The following PLA2R1 variants were observed in gnomAD, a reference collection of about 807,000 sequenced individuals.
The protein encoded by PLA2R1 is phospholipase A2 receptor 1.
A neutral mutation model predicts 195.9 loss-of-function variants in PLA2R1; 158 were observed. The ratio of observed to expected loss-of-function variants is 0.81; its 90% CI spans 0.71 to 0.92. The LOEUF (loss-of-function observed/expected upper bound fraction) is 0.92. Among genes scored for constraint, PLA2R1 ranks in the 40% least tolerant of loss-of-function variants. The probability of loss-of-function intolerance (pLI) is 0.00; values close to 1 mark genes in which losing one functional copy is unlikely to be tolerated. For missense variants in PLA2R1, 1,626 were observed against 1,764.6 expected (o/e 0.92, Z 1.41); for synonymous variants, 586 against 598.2 (o/e 0.98, Z 0.30).
At chr2:159,951,985 C>T (rs146756488) in intron 23 of PLA2R1, among the ~76,000 whole-genome samples, 211 of 152,264 alleles carry the variant, frequency 1.4e-3, no homozygotes, top group Non-Finnish European at 2.5e-3. Context: ...GTTACATAGT[C>T]ATATATTGCA....
chr2:159,930,713 A>G (rs562231833), downstream of PLA2R1, among the ~76,000 whole-genome samples: 49 of 152,224 alleles, frequency 3.2e-4, 2 homozygotes, highest in South Asian at 0.01. Flanking sequence ...TGATGTATCC[A>G]CCTCACCACA....
At chr2:160,055,050 C>T (rs1695447327) in intron 1 of PLA2R1, among the ~76,000 whole-genome samples, 1 of 152,206 alleles carries the variant, frequency 6.6e-6, no homozygotes, top group Admixed American at 6.5e-5. Context: ...ACTAAGCTAT[C>T]TGTGTGGCCC....
In PLA2R1 at chr2:159,933,784, T is replaced by C. The variant is rs1686689274; in HGVS notation, c.*7994A>G. The C allele has an allele frequency of 6.6e-6, 1 of 152,252 alleles. No homozygotes were observed. The highest frequency in any genetic ancestry group is 1.5e-5 in the Non-Finnish European group (1 of 68,038). 9.4% of individuals were successfully genotyped at this position (152,252 alleles called of 1,614,324 possible). A position where few individuals can be genotyped will look rare whatever the true frequency, so the allele number is the denominator to read the frequency against. ...GTGCTTGCTAAGATACGTTAAAGTA[T>C]GTAAGACTTCCCCATTTAGGTTTTC... On this transcript the variant is annotated 3_prime_UTR_variant, in exon 30 of 30. Coordinates refer to ENST00000283243, the MANE Select transcript of PLA2R1 (RefSeq NM_007366.5).
intron 20 of PLA2R1, among the ~76,000 whole-genome samples, chr2:159,964,773 A>G (rs1688674801): frequency 6.6e-6 from 1 of 151,992 alleles, no homozygotes; most frequent in African/African-American, 2.4e-5. Flanking sequence ...CAAAGTTAAG[A>G]GGAAGGTACA....
chr2:159,928,957 G>T (rs1686535491), downstream of PLA2R1, among the ~76,000 whole-genome samples: 1 of 152,192 alleles, frequency 6.6e-6, no homozygotes, highest in Non-Finnish European at 1.5e-5. Flanking sequence ...ACATGTAGAA[G>T]AATGAAACTG....
At chr2:160,026,437 G>A (rs1404807341) in intron 6 of PLA2R1, among the ~76,000 whole-genome samples, 1 of 152,164 alleles carries the variant, frequency 6.6e-6, no homozygotes, top group Admixed American at 6.5e-5. Flanking sequence ...ATGACAAATA[G>A]GTTTCACTTT....
In PLA2R1 at chr2:159,935,941, ATTAATTTT is replaced by A. The variant is rs1686798973; in HGVS notation, c.*5829_*5836del. The A allele has an allele frequency of 8.9e-6, 1 of 111,828 alleles. No homozygotes were observed. Among genetic ancestry groups the A allele is most frequent in the Admixed American group, 1.2e-4 (1 of 8,184 alleles). 6.9% of individuals were successfully genotyped at this position (111,828 alleles called of 1,614,324 possible). ...TCCTGCAGTAAAAATATGTATATAAATTAATTTTTTTTTTTTTTTTTTTTTTTTGAGAG... is the reference window on the plus strand; with the variant it reads ...TCCTGCAGTAAAAATATGTATATAAATTTTTTTTTTTTTTTTTTTTGAGAG... On this transcript the variant is annotated 3_prime_UTR_variant, in exon 30 of 30. Transcript: ENST00000283243.
In PLA2R1 at chr2:159,947,437, C is replaced by T. The variant is rs1687457651; in HGVS notation, c.3832G>A (p.Glu1278Lys). The change falls in exon 26 of 30, where the codon GAA becomes AAA. Residue 1278 changes from glutamate (E) to lysine (K), a missense_variant. Glu to Lys is a moderately conservative substitution (Grantham distance 56). Coordinates refer to ENST00000283243, the MANE Select transcript of PLA2R1 (RefSeq NM_007366.5). ...CAATTACCTTCCTTTTTGCAAAATT[C>T]ATGAGCAGCCTCAAAACTCATACTG... The part of the protein sequence containing the change: ...LDSMSFEAAH[E>K]FCKKEGSNLL... 1 of 1,595,332 alleles carries T rather than the reference C, an allele frequency of 6.3e-7. No individual in the cohort carries two copies. Among genetic ancestry groups the T allele is most frequent in the Admixed American group, 1.8e-5 (1 of 54,948 alleles).
intron 12 of PLA2R1, 63 bp downstream of exon 12, chr2:159,987,093 T>C: frequency 7.8e-7 from 1 of 1,284,008 alleles, no homozygotes; most frequent in Non-Finnish European, 1.1e-6. Context: ...GAATTTGGGA[T>C]ACATGGATCA....
intron 20 of PLA2R1, among the ~76,000 whole-genome samples, chr2:159,965,761 G>T (rs1044234331): frequency 2.6e-5 from 4 of 152,164 alleles, no homozygotes; most frequent in African/African-American, 9.7e-5. Flanking sequence ...TTCCCACCAG[G>T]AGTGAATGAG....
rs189543460 is a variant in PLA2R1, at chr2:159,964,658, C to T, written c.2904+2881G>A. ...TATTCTAGAAAATATCTCATGGTGCCACTGAGCTCACTGTGTCATAGGGCT... is the reference window on the plus strand; with the variant it reads ...TATTCTAGAAAATATCTCATGGTGCTACTGAGCTCACTGTGTCATAGGGCT... On this transcript the variant is annotated intron_variant, in intron 20 of 29. Transcript: ENST00000283243. 1.2e-3 allele frequency among the ~76,000 whole-genome samples: 187 copies of T among 152,040 alleles called. 1 individual carries two copies. Among genetic ancestry groups the T allele is most frequent in the African/African-American group, 4.3e-3 (178 of 41,468 alleles).
At chr2:160,052,208 A>G (rs961328647) in intron 1 of PLA2R1, among the ~76,000 whole-genome samples, 1 of 152,174 alleles carries the variant, frequency 6.6e-6, no homozygotes, top group African/African-American at 2.4e-5. Context: ...TTCTCACATG[A>G]GGGAAAAATG....
rs1287409252 is a variant in PLA2R1, at chr2:159,946,877, T to C, written c.3891A>G (p.Ala1297=). Reference sequence around the variant, plus strand: ...AAGCAAACAGCTCTTCTAGGAGAAATGCATTTTCAGCCTCATCCTTGATTG... The same window carrying C: ...AAGCAAACAGCTCTTCTAGGAGAAACGCATTTTCAGCCTCATCCTTGATTG... ...LLTIKDEAEN[A]FLLEELFAFG... The change falls in exon 27 of 30, where the codon GCA becomes GCG. Residue 1297 remains alanine (A), a synonymous_variant. Transcript: ENST00000283243. 2 of 1,610,912 alleles carry C rather than the reference T, an allele frequency of 1.2e-6. No homozygotes were observed. The highest frequency in any genetic ancestry group is 1.1e-5 in the South Asian group (1 of 90,440).
At chr2:159,977,971 G>A (rs564167096) in intron 14 of PLA2R1, among the ~76,000 whole-genome samples, 74 of 152,144 alleles carry the variant, frequency 4.9e-4, no homozygotes, top group African/African-American at 1.7e-3. Flanking sequence ...AAAAAGGTAT[G>A]CTATTCCTTT....
chr2:160,060,765 C>T (rs1695897936), intron 1 of PLA2R1, among the ~76,000 whole-genome samples: 1 of 152,218 alleles, frequency 6.6e-6, no homozygotes, highest in South Asian at 2.1e-4. Context: ...CACATACTCT[C>T]TGTGTGGCCC....
the PLA2R1 span, among the ~76,000 whole-genome samples, chr2:159,925,249 G>T: frequency 6.6e-6 from 1 of 151,990 alleles, no homozygotes; most frequent in Admixed American, 6.6e-5. Context: ...TTACGGCAAT[G>T]GTAAGCATCT....
At chr2:159,968,490 G>T (rs1688934935) in intron 19 of PLA2R1, among the ~76,000 whole-genome samples, 1 of 152,272 alleles carries the variant, frequency 6.6e-6, no homozygotes, top group Middle Eastern at 3.4e-3. Context: ...AGGCTGTTGT[G>T]ACACCTGCTG....
intron 27 of PLA2R1, chr2:159,945,999 C>A (rs1687363588): frequency 1.0e-6 from 1 of 982,628 alleles, no homozygotes; most frequent in African/African-American, 1.7e-5. Flanking sequence ...ACATCTTCAT[C>A]ATTACAAAAT....
chr2:160,045,250 C>A (rs550504603), intron 1 of PLA2R1, 93 bp from the exon 2 acceptor site: 22 of 936,996 alleles, frequency 2.3e-5, no homozygotes, highest in Non-Finnish European at 3.4e-5. Context: ...GTGCGATATG[C>A]GACAGTTGCC....
Sources: gnomAD v4.1 joint callset for allele counts (sites outside exome capture counted in the v4.1 genomes callset) on GRCh38, gnomAD v4.1.1 for gene constraint, MANE v1.5 for transcripts, NCBI Gene and HGNC (gene_info 2026-07-23, HGNC 2026-07-21) for gene names.